STPG2: variants seen among roughly 807,000 people sequenced by gnomAD.
STPG2 encodes sperm tail PG-rich repeat containing 2.
Under a neutral mutation model 54.2 loss-of-function variants are expected in STPG2, and 56 were observed. The ratio of observed to expected loss-of-function variants is 1.03; its 90% CI spans 0.83 to 1.29. The LOEUF (loss-of-function observed/expected upper bound fraction) is 1.29, where lower values mean the gene tolerates loss of function less well. Among genes scored for constraint, STPG2 ranks in the 50% most tolerant of loss-of-function variants. The pLI, the probability that STPG2 is intolerant of heterozygous loss-of-function variation, is 0.00. For missense variants in STPG2, 596 were observed against 544.9 expected (o/e 1.09, Z -0.93); for synonymous variants, 200 against 181.8 (o/e 1.10, Z -0.81).
intron 4 of STPG2, among the ~76,000 whole-genome samples, chr4:97,481,080 C>G (rs983506417): frequency 6.6e-6 from 1 of 151,380 alleles, no homozygotes; most frequent in African/African-American, 2.4e-5. Context: ...TTTTACATGG[C>G]ATGACATAGA....
chr4:97,902,585 C>A (rs1329436239), intron 8 of STPG2, among the ~76,000 whole-genome samples: 1 of 152,060 alleles, frequency 6.6e-6, no homozygotes, highest in Admixed American at 6.6e-5. Context: ...AAAATCAAAA[C>A]CACAAGGAGA....
At chr4:98,073,158 T>A (rs1738060506) in intron 5 of STPG2, among the ~76,000 whole-genome samples, 1 of 152,176 alleles carries the variant, frequency 6.6e-6, no homozygotes, top group Non-Finnish European at 1.5e-5. Context: ...TACTGCTAGA[T>A]AAAAGAGGTA....
chr4:97,741,041 C>T (rs1486642210), intron 9 of STPG2, among the ~76,000 whole-genome samples: 1 of 151,970 alleles, frequency 6.6e-6, no homozygotes, highest in East Asian at 1.9e-4. Flanking sequence ...CAGAACAGAG[C>T]CCTCAGAAAA....
At chr4:98,010,178 C>G (rs1385169428) in intron 5 of STPG2, among the ~76,000 whole-genome samples, 3 of 151,824 alleles carry the variant, frequency 2.0e-5, no homozygotes, top group African/African-American at 7.3e-5. Flanking sequence ...GATCCCCGAG[C>G]TTCATTTTTA....
downstream of STPG2, among the ~76,000 whole-genome samples, chr4:97,555,525 T>A (rs897464775): frequency 2.5e-4 from 38 of 152,184 alleles, no homozygotes; most frequent in African/African-American, 8.9e-4. Flanking sequence ...ATAAGATTAC[T>A]GTAGAAAGAA....
intron 9 of STPG2, among the ~76,000 whole-genome samples, chr4:97,796,279 C>G (rs1727173960): frequency 2.0e-5 from 3 of 152,158 alleles, no homozygotes; most frequent in Non-Finnish European, 4.4e-5. Flanking sequence ...CTTGCCCATG[C>G]CTACGATCTA....
At chr4:98,035,919 G>A (rs1041496871) in intron 5 of STPG2, among the ~76,000 whole-genome samples, 1 of 151,990 alleles carries the variant, frequency 6.6e-6, no homozygotes, top group Non-Finnish European at 1.5e-5. Context: ...ACACAGGGAG[G>A]GGAACATCAC....
At chr4:97,576,280 G>GA (rs139140769) in intron 10 of STPG2, among the ~76,000 whole-genome samples, 18,376 of 123,770 alleles carry the variant, frequency 0.15, 1,345 homozygotes, top group South Asian at 0.22. Context: ...TATATGGAAT[G>GA]AAAAAAAAAA....
At chr4:97,502,381 A>G (rs1403535185) in intron 4 of STPG2, among the ~76,000 whole-genome samples, 1 of 152,036 alleles carries the variant, frequency 6.6e-6, no homozygotes, top group Non-Finnish European at 1.5e-5. Flanking sequence ...GCAACATTCA[A>G]TTCCAAAATA....
intron 10 of STPG2, among the ~76,000 whole-genome samples, chr4:97,626,886 A>T (rs1220373101): frequency 6.6e-6 from 1 of 152,078 alleles, no homozygotes; most frequent in Non-Finnish European, 1.5e-5. Context: ...TTATATAAAG[A>T]TCTTATGACT....
At chr4:97,733,778 A>G (rs1454598938) in intron 9 of STPG2, among the ~76,000 whole-genome samples, 1 of 151,672 alleles carries the variant, frequency 6.6e-6, no homozygotes, top group Non-Finnish European at 1.5e-5. Context: ...TCCCTCCTCT[A>G]CCTCAGGGTC....
At chr4:97,624,744 A>G (rs1427224719) in intron 10 of STPG2, among the ~76,000 whole-genome samples, 1 of 152,102 alleles carries the variant, frequency 6.6e-6, no homozygotes, top group African/African-American at 2.4e-5. Context: ...TAGGGCTTTT[A>G]TAGTTTTGGA....
chr4:98,016,822 T>C (rs1735962653), intron 5 of STPG2, among the ~76,000 whole-genome samples: 1 of 152,178 alleles, frequency 6.6e-6, no homozygotes, highest in Non-Finnish European at 1.5e-5. Context: ...TTTTTCCTGA[T>C]TTTTCATAAT....
chr4:97,544,486 T>C (rs1731792946), intron 4 of STPG2, among the ~76,000 whole-genome samples: 1 of 151,974 alleles, frequency 6.6e-6, no homozygotes, highest in Non-Finnish European at 1.5e-5. Context: ...TCCAGAGGAC[T>C]AGAAAAATTA....
chr4:97,478,522 G>A (rs116797207), intron 4 of STPG2, among the ~76,000 whole-genome samples: 2,118 of 151,980 alleles, frequency 0.014, 42 homozygotes, highest in African/African-American at 0.048. Flanking sequence ...GGCAGTATTT[G>A]TTTTTATCTT....
At chr4:98,071,123 A>G (rs1302219262) in intron 5 of STPG2, among the ~76,000 whole-genome samples, 1 of 152,188 alleles carries the variant, frequency 6.6e-6, no homozygotes, top group African/African-American at 2.4e-5. Context: ...ATTCTAAGTA[A>G]AAAGAACAAA....
intron 10 of STPG2, among the ~76,000 whole-genome samples, chr4:97,661,002 A>G (rs1306857236): frequency 2.0e-5 from 3 of 152,302 alleles, no homozygotes; most frequent in South Asian, 2.1e-4. Flanking sequence ...AAACAAAAAC[A>G]TGCTTTGGGA....
At chr4:98,134,309 T>A (rs79064209) in intron 2 of STPG2, 38 bp downstream of exon 2, 3 of 1,256,846 alleles carry the variant, frequency 2.4e-6, no homozygotes, top group Non-Finnish European at 2.2e-6. Context: ...GAAGAAAACA[T>A]GGTTTTATTA....
chr4:97,875,643 G>A (rs1447763360), intron 8 of STPG2, among the ~76,000 whole-genome samples: 1 of 151,874 alleles, frequency 6.6e-6, no homozygotes, highest in Non-Finnish European at 1.5e-5. Flanking sequence ...TTAGAACATA[G>A]CAAGGTCATA....
Sources: gnomAD v4.1 joint callset for allele counts (sites outside exome capture counted in the v4.1 genomes callset) on GRCh38, gnomAD v4.1.1 for gene constraint, MANE v1.5 for transcripts, NCBI Gene and HGNC (gene_info 2026-07-23, HGNC 2026-07-21) for gene names.